The following RALYL variants were observed in gnomAD, a reference collection of about 807,000 sequenced individuals.
The protein encoded by RALYL is RALY RNA binding protein like.
In RALYL, 29 loss-of-function variants were observed where a neutral mutation model predicts 35.1. The ratio of observed to expected loss-of-function variants is 0.83; its 90% CI spans 0.61 to 1.13. The LOEUF (loss-of-function observed/expected upper bound fraction) is 1.13. RALYL is among the 50% of genes most tolerant of loss of function. The pLI, the probability that RALYL is intolerant of heterozygous loss-of-function variation, is 0.00. For missense variants in RALYL, 359 were observed against 360.4 expected (o/e 1.00, Z 0.03); for synonymous variants, 120 against 127.6 (o/e 0.94, Z 0.40).
At chr8:84,859,421 C>T (rs184294115) in intron 5 of RALYL, among the ~76,000 whole-genome samples, 149 of 152,254 alleles carry the variant, frequency 9.8e-4, no homozygotes, top group Non-Finnish European at 1.5e-3. Context: ...CCTCCAGACC[C>T]TATTCTCCTG....
chr8:84,747,282 AGT>A (rs1480315096), intron 2 of RALYL, among the ~76,000 whole-genome samples: 11 of 151,868 alleles, frequency 7.2e-5, no homozygotes, highest in African/African-American at 1.9e-4. Flanking sequence ...GGTGCTAATA[AGT>A]GTGTGTGGAG....
intron 1 of RALYL, among the ~76,000 whole-genome samples, chr8:84,342,558 A>G (rs1464862315): frequency 1.3e-5 from 2 of 151,754 alleles, no homozygotes; most frequent in African/African-American, 4.8e-5. Flanking sequence ...TTTCCAAATG[A>G]TGATGGATAA....
intron 2 of RALYL, among the ~76,000 whole-genome samples, chr8:84,756,139 C>A (rs955916751): frequency 1.3e-5 from 2 of 151,714 alleles, no homozygotes; most frequent in African/African-American, 4.8e-5. Context: ...ATTATATTAC[C>A]CCTATGGCAC....
intron 2 of RALYL, among the ~76,000 whole-genome samples, chr8:84,688,563 C>G (rs1227771685): frequency 1.3e-5 from 2 of 151,926 alleles, no homozygotes; most frequent in African/African-American, 4.8e-5. Context: ...ACCCTATATA[C>G]AAAAATCAAC....
At chr8:84,381,889 T>C (rs1858067383) in intron 1 of RALYL, among the ~76,000 whole-genome samples, 1 of 151,766 alleles carries the variant, frequency 6.6e-6, no homozygotes, top group Non-Finnish European at 1.5e-5. Flanking sequence ...GTTGTTCCTT[T>C]CTCTCAGTAT....
intron 1 of RALYL, among the ~76,000 whole-genome samples, chr8:84,453,221 C>A (rs1470945622): frequency 6.6e-6 from 1 of 151,686 alleles, no homozygotes; most frequent in African/African-American, 2.4e-5. Flanking sequence ...TACATATATA[C>A]ACACATATAT....
intron 2 of RALYL, among the ~76,000 whole-genome samples, chr8:84,560,296 A>G (rs2061396430): frequency 6.6e-6 from 1 of 152,026 alleles, no homozygotes; most frequent in Non-Finnish European, 1.5e-5. Flanking sequence ...AGGAAAAGAG[A>G]CAATTTCTCA....
At chr8:84,397,136 T>C (rs1052363097) in intron 1 of RALYL, among the ~76,000 whole-genome samples, 1 of 152,122 alleles carries the variant, frequency 6.6e-6, no homozygotes, top group Non-Finnish European at 1.5e-5. Context: ...GCCGGGGTGA[T>C]GTGCCTTGAA....
chr8:84,786,452 A>T (rs866570150), intron 3 of RALYL, among the ~76,000 whole-genome samples: 1 of 152,194 alleles, frequency 6.6e-6, no homozygotes, highest in Non-Finnish European at 1.5e-5. Flanking sequence ...CCAACAGTGT[A>T]AAAGAGTTCT....
rs541444094 is a variant in RALYL, at chr8:84,341,546, C to T, written c.-24+157122C>T. Among the ~76,000 whole-genome samples the T allele has an allele frequency of 3.1e-3, 467 of 152,006 alleles. 10 individuals are homozygous for T. The South Asian group carries it at 0.041, about 13-fold the overall frequency. ...ATGTATCGGTATCGCATTTATATAT[C>T]TACAATTCTGTTATAACATACCATT... On this transcript the variant is annotated intron_variant, in intron 1 of 8. Coordinates refer to ENST00000521268, the MANE Select transcript of RALYL (RefSeq NM_173848.7).
chr8:84,462,298 T>C (rs1202649607), intron 1 of RALYL, among the ~76,000 whole-genome samples: 1 of 151,672 alleles, frequency 6.6e-6, no homozygotes, highest in African/African-American at 2.4e-5. Flanking sequence ...TGTTATCATA[T>C]TGTTGCATTT....
chr8:84,695,990 T>C (rs182392135), intron 2 of RALYL, among the ~76,000 whole-genome samples: 1 of 151,834 alleles, frequency 6.6e-6, no homozygotes, highest in Admixed American at 6.6e-5. Context: ...TTCAATACAC[T>C]GTCAAAGGAC....
rs1830321603 is a variant in RALYL at position 84,658,357 on chromosome 8, A to G, written c.257-116222A>G. Reference sequence around the variant, plus strand: ...TGGCCTCTCAGAATGGCTACGCTGCAGGCTGCAACCTTTATGAAAAGTAAA... The same window carrying G: ...TGGCCTCTCAGAATGGCTACGCTGCGGGCTGCAACCTTTATGAAAAGTAAA... On this transcript the variant is annotated intron_variant, in intron 2 of 8. Transcript: ENST00000521268. 2.0e-5 allele frequency among the ~76,000 whole-genome samples: 3 copies of G among 152,314 alleles called. No homozygotes were observed. The South Asian group carries it at 6.2e-4, about 32-fold the overall frequency.
intron 2 of RALYL, among the ~76,000 whole-genome samples, chr8:84,590,192 G>A (rs557053031): frequency 1.3e-5 from 2 of 152,324 alleles, no homozygotes; most frequent in African/African-American, 2.4e-5. Context: ...CAGAGGTTTT[G>A]TACTTGGGTT....
At chr8:84,345,170 A>G (rs1419372082) in intron 1 of RALYL, among the ~76,000 whole-genome samples, 1 of 150,674 alleles carries the variant, frequency 6.6e-6, no homozygotes, top group Non-Finnish European at 1.5e-5. Flanking sequence ...TCTCACCAAC[A>G]GTGTGCAAGG....
chr8:84,670,532 A>G (rs1407346404), intron 2 of RALYL, among the ~76,000 whole-genome samples: 1 of 152,230 alleles, frequency 6.6e-6, no homozygotes, highest in African/African-American at 2.4e-5. Flanking sequence ...TTATAAAGAA[A>G]AAGAGGTTTA....
intron 2 of RALYL, among the ~76,000 whole-genome samples, chr8:84,654,298 T>TACAC (rs1406200140): frequency 8.5e-6 from 1 of 117,076 alleles, no homozygotes; most frequent in African/African-American, 3.6e-5. Flanking sequence ...TATATATATA[T>TACAC]ATATATATAT....
At chr8:84,450,670 AT>A (rs568938570) in intron 1 of RALYL, among the ~76,000 whole-genome samples, 3 of 151,808 alleles carry the variant, frequency 2.0e-5, no homozygotes, top group African/African-American at 7.3e-5. Context: ...ATATTCTTGC[AT>A]TTTTTTCTAC....
At chr8:84,862,550 T>G in intron 6 of RALYL, 97 bp downstream of exon 6, 1 of 942,864 alleles carries the variant, frequency 1.1e-6, no homozygotes, top group African/African-American at 1.7e-5. Flanking sequence ...CAGATAGTTA[T>G]GAAGGACCTG....
Sources: allele counts gnomAD v4.1 joint callset (sites outside exome capture counted in the v4.1 genomes callset), GRCh38; gene constraint gnomAD v4.1.1; transcripts MANE v1.5; gene names NCBI Gene and HGNC (gene_info 2026-07-23, HGNC 2026-07-21).